RBFOX1: variants seen among roughly 807,000 people sequenced by gnomAD.
RBFOX1 encodes the protein RNA binding protein fox-1 homolog 1.
Under a neutral mutation model 57.7 loss-of-function variants are expected in RBFOX1, and 8 were observed. The observed-to-expected ratio is 0.14, with a 90% CI of 0.08 to 0.25. The LOEUF (loss-of-function observed/expected upper bound fraction) is 0.25. Ranked by LOEUF, RBFOX1 falls within the 10% of genes least tolerant of loss-of-function variation. RBFOX1 has a pLI of 1.00. For synonymous variants in RBFOX1, 326 were observed against 222.4 expected, an observed-to-expected ratio of 1.47 and a Z score of -4.15; for missense variants, 611 against 548.5, an observed-to-expected ratio of 1.11 and a Z score of -1.14.
At chr16:7,005,514 TG>T (rs1229025277) in intron 3 of RBFOX1, among the ~76,000 whole-genome samples, 1 of 152,144 alleles carries the variant, frequency 6.6e-6, no homozygotes, top group African/African-American at 2.4e-5. Context: ...ACGAGAAAAT[TG>T]GTACAATGAT....
intron 2 of RBFOX1, among the ~76,000 whole-genome samples, chr16:6,641,206 C>A (rs547980258): frequency 1.3e-5 from 2 of 152,268 alleles, no homozygotes; most frequent in African/African-American, 4.8e-5. Flanking sequence ...GCTGTTTACG[C>A]TTCACCGAGG....
At chr16:7,582,463 A>T (rs899470672) in intron 6 of RBFOX1, among the ~76,000 whole-genome samples, 5 of 152,200 alleles carry the variant, frequency 3.3e-5, no homozygotes, top group African/African-American at 1.2e-4. Flanking sequence ...ATTCTAAAGA[A>T]ATGCAGTTTT....
intron 3 of RBFOX1, among the ~76,000 whole-genome samples, chr16:6,771,222 C>G (rs930303778): frequency 2.0e-5 from 3 of 152,186 alleles, no homozygotes; most frequent in Non-Finnish European, 4.4e-5. Context: ...ACACCTTAGT[C>G]TTGAACTTCT....
intron 4 of RBFOX1, among the ~76,000 whole-genome samples, chr16:7,392,971 T>A (rs1372986383): frequency 6.6e-6 from 1 of 152,070 alleles, no homozygotes; most frequent in African/African-American, 2.4e-5. Flanking sequence ...CCTCCCAGGT[T>A]CCAGTGATTT....
At chr16:6,817,874 C>A (rs2090451198) in intron 3 of RBFOX1, among the ~76,000 whole-genome samples, 1 of 152,072 alleles carries the variant, frequency 6.6e-6, no homozygotes, top group Non-Finnish European at 1.5e-5. Flanking sequence ...GATCCCAAGC[C>A]CTTCATGAAG....
At chr16:6,664,741 T>C (rs931641320) in intron 3 of RBFOX1, among the ~76,000 whole-genome samples, 21 of 152,182 alleles carry the variant, frequency 1.4e-4, no homozygotes, top group African/African-American at 4.8e-4. Context: ...ACTCAGTTGG[T>C]GGAGATGGGT....
intron 3 of RBFOX1, among the ~76,000 whole-genome samples, chr16:7,007,335 C>T (rs1424126948): frequency 6.6e-6 from 1 of 152,208 alleles, no homozygotes; most frequent in Non-Finnish European, 1.5e-5. Flanking sequence ...ATCTCATTGA[C>T]TTCTTCTGCC....
At chr16:5,668,843 G>A (rs980207091) in intron 3 of RBFOX1, among the ~76,000 whole-genome samples, 1 of 152,138 alleles carries the variant, frequency 6.6e-6, no homozygotes, top group African/African-American at 2.4e-5. Flanking sequence ...GGTGGGTGGA[G>A]CACACTTTTG....
intron 2 of RBFOX1, among the ~76,000 whole-genome samples, chr16:6,492,977 G>A (rs766649110): frequency 4.6e-5 from 7 of 152,142 alleles, no homozygotes; most frequent in Non-Finnish European, 1.0e-4. Context: ...CTAAGAGAGG[G>A]GCAGGGAAGA....
Position 7,387,927 on chromosome 16 carries a change from G to T in RBFOX1, c.28-130220G>T, listed in dbSNP as rs537972154. On this transcript the variant is annotated intron_variant, in intron 4 of 15. Transcript: ENST00000550418. ...TTTTCCACTTTCGCCTTTATTTTAC[G>T]CCATTGTTGGAAGGGTCAAAGCATC... is the stretch of plus-strand genomic sequence containing the variant. Among the ~76,000 whole-genome samples, 5 of 152,100 alleles carry T rather than the reference G, an allele frequency of 3.3e-5. No homozygotes were observed. The East Asian group carries it at 7.7e-4, about 24-fold the overall frequency.
intron 3 of RBFOX1, among the ~76,000 whole-genome samples, chr16:6,842,957 C>A (rs149374788): frequency 1.3e-5 from 2 of 151,992 alleles, no homozygotes; most frequent in Admixed American, 6.6e-5. Flanking sequence ...TTGCTGAGAA[C>A]GATGGTTTCC....
intron 3 of RBFOX1, among the ~76,000 whole-genome samples, chr16:5,630,231 T>G (rs1334367589): frequency 6.6e-6 from 1 of 151,840 alleles, no homozygotes; most frequent in East Asian, 1.9e-4. Flanking sequence ...TCAAAGTGAG[T>G]GGATCACCTG....
At chr16:6,702,176 T>A (rs977009768) in intron 3 of RBFOX1, among the ~76,000 whole-genome samples, 24 of 152,286 alleles carry the variant, frequency 1.6e-4, no homozygotes, top group African/African-American at 5.5e-4. Context: ...AGGGATCTGC[T>A]CTACCATGAT....
At chr16:7,461,784 C>T (rs1314730374) in intron 4 of RBFOX1, among the ~76,000 whole-genome samples, 1 of 150,796 alleles carries the variant, frequency 6.6e-6, no homozygotes, top group Non-Finnish European at 1.5e-5. Flanking sequence ...TGAGTGTTGG[C>T]ATTAGAGCTT....
intron 2 of RBFOX1, among the ~76,000 whole-genome samples, chr16:6,570,825 T>G (rs1302525933): frequency 6.6e-6 from 1 of 152,226 alleles, no homozygotes; most frequent in African/African-American, 2.4e-5. Flanking sequence ...TTTTAAAGAC[T>G]CAATTAACTT....
At chr16:6,873,676 T>G (rs1379113394) in intron 3 of RBFOX1, among the ~76,000 whole-genome samples, 1 of 152,166 alleles carries the variant, frequency 6.6e-6, no homozygotes, top group Non-Finnish European at 1.5e-5. Flanking sequence ...AAGGAAAATG[T>G]GAGTATTTAT....
chr16:7,456,128 GC>G (rs1294421218), intron 4 of RBFOX1, among the ~76,000 whole-genome samples: 2 of 152,074 alleles, frequency 1.3e-5, no homozygotes, highest in Non-Finnish European at 2.9e-5. Context: ...CTTTTGCACT[GC>G]CCCCAGAAAT....
intron 2 of RBFOX1, among the ~76,000 whole-genome samples, chr16:6,397,321 G>A (rs910450212): frequency 6.6e-6 from 1 of 151,976 alleles, no homozygotes; most frequent in Non-Finnish European, 1.5e-5. Flanking sequence ...TTCCTACATG[G>A]GGCATAGTGA....
In RBFOX1 at chr16:6,945,784, C is replaced by T. The variant is rs567774939; in HGVS notation, c.-15-106273C>T. On this transcript the variant is annotated intron_variant, in intron 3 of 15. Transcript: ENST00000550418. ...CAGGCACCTGTAATCCCAGCTACTT[C>T]GGAGGCCGAGACGGGAGAATCGCCT... is the stretch of plus-strand genomic sequence containing the variant. Among the ~76,000 whole-genome samples, 206 of 152,182 alleles carry T rather than the reference C, an allele frequency of 1.4e-3. 1 individual carries two copies. Among genetic ancestry groups the T allele is most frequent in the African/African-American group, 4.8e-3 (199 of 41,528 alleles).
Sources: gnomAD v4.1 joint callset for allele counts (sites outside exome capture counted in the v4.1 genomes callset) on GRCh38, gnomAD v4.1.1 for gene constraint, MANE v1.5 for transcripts, NCBI Gene and HGNC (gene_info 2026-07-23, HGNC 2026-07-21) for gene names.